Variants in CD300LG observed in about 807,000 individuals in gnomAD.
CD300LG encodes CMRF35-like molecule 9.
Under a neutral mutation model 31.5 loss-of-function variants are expected in CD300LG, and 29 were observed. The observed-to-expected ratio is 0.92, with a 90% confidence interval of 0.68 to 1.25. The LOEUF is 1.25. CD300LG is among the 50% of genes most tolerant of loss of function. The pLI is 0.00. For missense variants in CD300LG, 396 were observed against 417.6 expected (o/e 0.95, Z 0.45); for synonymous variants, 175 against 177.2 (o/e 0.99, Z 0.10).
chr17:43,852,814 C>A, intron 2 of CD300LG, 98 bp from the exon 3 acceptor site: 1 of 948,536 alleles, frequency 1.1e-6, no homozygotes, highest in Non-Finnish European at 1.6e-6. Flanking sequence ...GTGCTCTGTG[C>A]TGAGGTGGGG....
rs771541321 is a variant in CD300LG at position 43,848,786 on chromosome 17, T to A, written c.272T>A (p.Ile91Asn). ...IRDSRQELSL[I>N]VTLWNLTLQD... ...GACAGCCGCCAGGAGCTCTCGCTCA[T>A]TGTGACCCTGTGGAACCTCACCCTG... The change falls in exon 2 of 7, where the codon ATT becomes AAT. Residue 91 changes from isoleucine (I) to asparagine (N), a missense_variant. Physicochemically the swap from Ile to Asn is moderately radical, Grantham distance 149. Coordinates refer to ENST00000317310, the MANE Select transcript of CD300LG (RefSeq NM_145273.4). The A allele has an allele frequency of 2.5e-6, 4 of 1,614,028 alleles. No homozygotes were observed. Among genetic ancestry groups the A allele is most frequent in the Non-Finnish European group, 3.4e-6 (4 of 1,180,036 alleles).
At position 43,847,251 on chromosome 17, in the gene CD300LG, T is replaced by TAGCA; in HGVS notation, c.35_36insAGCA (p.Leu13AlafsTer6). 6.2e-7 allele frequency: 1 copy of TAGCA among 1,613,916 alleles called. No individual in the cohort carries two copies. The highest frequency in any genetic ancestry group is 8.5e-7 in the Non-Finnish European group (1 of 1,179,916). The stretch of plus-strand genomic sequence containing the variant: ...CTGGTCCTGCTATGGGGTTGCCTGC[T>TAGCA]GCTCCCAGGTGAGATGGGGAGAGGG... On this transcript the variant is annotated frameshift_variant, in exon 1 of 7. Coordinates refer to ENST00000317310, the MANE Select transcript of CD300LG (RefSeq NM_145273.4). LOFTEE classifies it high-confidence loss of function.
At chr17:43,857,024 T>A (rs1162084007) in intron 5 of CD300LG, 80 bp from the exon 6 acceptor site, 1 of 1,439,566 alleles carries the variant, frequency 6.9e-7, no homozygotes, top group African/African-American at 1.4e-5. Flanking sequence ...AGGGGGCCAG[T>A]CCACCTTTCT....
intron 6 of CD300LG, chr17:43,858,459 C>T (rs1824367467): frequency 1.0e-6 from 1 of 985,324 alleles, no homozygotes; most frequent in South Asian, 4.7e-5. Context: ...TGCCTTCTGG[C>T]AACCCTGAGA....
At position 43,861,836 on chromosome 17, in the gene CD300LG, G is replaced by A; in HGVS notation, c.924G>A (p.Glu308=). The change falls in exon 7 of 7, where the codon GAG becomes GAA. Residue 308 remains glutamate, a synonymous_variant. Transcript: ENST00000317310. Reference sequence around the variant, plus strand: ...AGGAAGCCCCTTCCCAGGCCCCTGAGGGGGACGTGATCTCGATGCCTCCCC... The same window carrying A: ...AGGAAGCCCCTTCCCAGGCCCCTGAAGGGGACGTGATCTCGATGCCTCCCC... ...EEKEAPSQAP[E]GDVISMPPLH... 7 of 1,612,454 alleles carry A rather than the reference G, an allele frequency of 4.3e-6. No individual in the cohort carries two copies. The highest frequency in any genetic ancestry group is 1.3e-5 in the African/African-American group (1 of 74,952).
rs561934006 is a variant in CD300LG, at chr17:43,854,310, C to T, written c.719+266C>T. 9.3e-4 allele frequency among the ~76,000 whole-genome samples: 142 copies of T among 152,322 alleles called. 1 individual carries two copies. Among genetic ancestry groups the T allele is most frequent in the Non-Finnish European group, 1.6e-3 (111 of 68,030 alleles). ...TCTCTCCCTGCCCCAGCCTCAGGGA[C>T]GGCCACCCCAGTTCTGGGGCTTTTG... On this transcript the variant is annotated intron_variant, in intron 4 of 6. Transcript: ENST00000317310.
chr17:43,854,089 C>A, intron 4 of CD300LG, 45 bp downstream of exon 4: 1 of 1,433,248 alleles, frequency 7.0e-7, no homozygotes, highest in Non-Finnish European at 9.7e-7. Context: ...CATCACTAAA[C>A]CATAAGGTGC....
In CD300LG at chr17:43,861,992, C is replaced by T. The variant is rs2046664573; in HGVS notation, c.*81C>T. On this transcript the variant is annotated 3_prime_UTR_variant, in exon 7 of 7. Coordinates refer to ENST00000317310, the MANE Select transcript of CD300LG (RefSeq NM_145273.4). Reference sequence around the variant, plus strand: ...GCACCGATTCCCGAAAGCTTTCCACCTCAGCCTCAGAGTCCAGCTGCCCGG... The same window carrying T: ...GCACCGATTCCCGAAAGCTTTCCACTTCAGCCTCAGAGTCCAGCTGCCCGG... The T allele has an allele frequency of 1.0e-6, 1 of 997,466 alleles. No homozygotes were observed. The highest frequency in any genetic ancestry group is 1.7e-5 in the African/African-American group (1 of 60,498). 61.8% of individuals were successfully genotyped at this position (997,466 alleles called of 1,614,324 possible). A position where few individuals can be genotyped will look rare whatever the true frequency, so the allele number is the denominator to read the frequency against.
intron 6 of CD300LG, chr17:43,858,645 C>T: frequency 1.0e-6 from 1 of 985,450 alleles, no homozygotes; most frequent in Non-Finnish European, 1.2e-6. Flanking sequence ...ACCCTGTAAA[C>T]ACGATCAGGT....
chr17:43,848,834 G>A lies in CD300LG; in HGVS notation c.320G>A (p.Cys107Tyr), dbSNP rs1346579923. 6.2e-7 allele frequency: 1 copy of A among 1,614,134 alleles called. No homozygotes were observed. Among genetic ancestry groups the A allele is most frequent in the South Asian group, 1.1e-5 (1 of 91,076 alleles). The change falls in exon 2 of 7, where the codon TGT becomes TAT. Residue 107 changes from cysteine to tyrosine, a missense_variant. Cys to Tyr is a radical substitution (Grantham distance 194, BLOSUM62 -2). Coordinates refer to ENST00000317310, the MANE Select transcript of CD300LG (RefSeq NM_145273.4). ...CTGCAAGACGCTGGGGAGTACTGGT[G>A]TGGGGTCGAAAAACGGGGCCCCGAT... ...LTLQDAGEYW[C>Y]GVEKRGPDES...
At chr17:43,847,391 G>T in intron 1 of CD300LG, 132 bp downstream of exon 1, 1 of 887,650 alleles carries the variant, frequency 1.1e-6, no homozygotes, top group Non-Finnish European at 1.6e-6. Flanking sequence ...GAGCGGGGCG[G>T]GCTGGGGGTG....
At chr17:43,848,218 G>A (rs894202037) in intron 1 of CD300LG, among the ~76,000 whole-genome samples, 6 of 152,042 alleles carry the variant, frequency 3.9e-5, no homozygotes, top group African/African-American at 1.5e-4. Flanking sequence ...CTCCAGCCTG[G>A]GCGGCAAAGT....
chr17:43,848,419 G>A (rs2046247675), intron 1 of CD300LG, 139 bp from the exon 2 acceptor site: 2 of 698,842 alleles, frequency 2.9e-6, no homozygotes, highest in Non-Finnish European at 4.8e-6. Context: ...TGGGAGGTTA[G>A]TAATGGCTCT....
At chr17:43,852,374 C>A (rs2143330945) in intron 2 of CD300LG, among the ~76,000 whole-genome samples, 1 of 152,146 alleles carries the variant, frequency 6.6e-6, no homozygotes, top group Non-Finnish European at 1.5e-5. Context: ...TCCACCATAC[C>A]CAGCTAATTT....
chr17:43,858,702 A>C, intron 6 of CD300LG: 1 of 985,420 alleles, frequency 1.0e-6, no homozygotes, highest in South Asian at 4.7e-5. Context: ...GCTTCTCCAT[A>C]GGATTTAGCA....
intron 4 of CD300LG, 41 bp downstream of exon 4, chr17:43,854,085 T>G (rs1291398263): frequency 6.7e-7 from 1 of 1,488,570 alleles, no homozygotes; most frequent in African/African-American, 1.4e-5. Context: ...AAGCCATCAC[T>G]AAACCATAAG....
intron 6 of CD300LG, among the ~76,000 whole-genome samples, chr17:43,859,816 G>A (rs896603591): frequency 6.6e-6 from 1 of 152,152 alleles, no homozygotes; most frequent in Non-Finnish European, 1.5e-5. Context: ...TTCCCCCAAG[G>A]AATTCTGCTC....
intron 6 of CD300LG, chr17:43,858,239 G>A (rs2046580810): frequency 2.8e-6 from 3 of 1,077,118 alleles, no homozygotes; most frequent in Non-Finnish European, 3.4e-6. Flanking sequence ...GTCTCAGGAA[G>A]CTCAACAGGG....
At chr17:43,857,439 G>A (rs981987541) in intron 6 of CD300LG, 59 of 1,537,094 alleles carry the variant, frequency 3.8e-5, no homozygotes, top group Middle Eastern at 3.3e-4. Context: ...TTCTCCAGGC[G>A]CCTTCTTTCC....
Sources: gnomAD v4.1 joint callset for allele counts (sites outside exome capture counted in the v4.1 genomes callset) on GRCh38, gnomAD v4.1.1 for gene constraint, MANE v1.5 for transcripts, NCBI Gene and HGNC (gene_info 2026-07-23, HGNC 2026-07-21) for gene names.